The following TBCD variants were observed in gnomAD, a reference collection of about 807,000 sequenced individuals.
The protein encoded by TBCD is tubulin folding cofactor D.
In TBCD, 105 loss-of-function variants were observed where a neutral mutation model predicts 169.3. The observed-to-expected ratio is 0.62, with a 90% CI of 0.53 to 0.73. TBCD has a LOEUF of 0.73. Ranked by LOEUF, TBCD falls within the 30% of genes least tolerant of loss-of-function variation. The pLI, the probability that TBCD is intolerant of heterozygous loss-of-function variation, is 0.00. For synonymous variants in TBCD, 700 were observed against 643.9 expected (o/e 1.09, Z -1.32); for missense variants, 1,444 against 1,600.1 (o/e 0.90, Z 1.66).
intron 7 of TBCD, among the ~76,000 whole-genome samples, chr17:82,785,261 G>A (rs2049231450): frequency 1.1e-5 from 1 of 94,038 alleles, no homozygotes; most frequent in African/African-American, 4.3e-5. Flanking sequence ...GCAGCGGGAG[G>A]GGGGTCCATG....
At chr17:82,939,253 C>A in intron 36 of TBCD, 114 bp from the exon 37 acceptor site, 1 of 811,166 alleles carries the variant, frequency 1.2e-6, no homozygotes, top group Non-Finnish European at 2.1e-6. Flanking sequence ...GCAGGGTCAG[C>A]GTCCTCCTCC....
At chr17:82,883,359 C>T (rs1364384031) in intron 14 of TBCD, among the ~76,000 whole-genome samples, 1 of 152,256 alleles carries the variant, frequency 6.6e-6, no homozygotes, top group Admixed American at 6.5e-5. Flanking sequence ...TGATTGTCCT[C>T]CACCCTGCCC....
Position 82,880,892 on chromosome 17 carries a change from C to G in TBCD, c.1476-3253C>G, listed in dbSNP as rs376122296. ...CTTGCAGTGTGAGTGAGCAAGTGGC[C>G]GAGGGGTAGACTTTGGATGGCTCCA... On this transcript the variant is annotated intron_variant, in intron 14 of 38. Coordinates refer to ENST00000355528, the MANE Select transcript of TBCD (RefSeq NM_005993.5). This position sits in a 1 kb window ranked among gnomAD's most constrained non-coding sequence, Gnocchi z 5.0. Among the ~76,000 whole-genome samples, 29 of 152,112 alleles carry G rather than the reference C, an allele frequency of 1.9e-4. No homozygotes were observed. Among genetic ancestry groups the G allele is most frequent in the African/African-American group, 6.3e-4 (26 of 41,518 alleles).
intron 14 of TBCD, among the ~76,000 whole-genome samples, chr17:82,873,985 A>C (rs1786556829): frequency 6.6e-6 from 1 of 152,156 alleles, no homozygotes; most frequent in African/African-American, 2.4e-5. Context: ...GCCCCTGCAC[A>C]GCCTCCTGTT....
At chr17:82,818,200 C>T (rs1021398872) in intron 13 of TBCD, among the ~76,000 whole-genome samples, 9 of 152,248 alleles carry the variant, frequency 5.9e-5, no homozygotes, top group East Asian at 3.8e-4. Flanking sequence ...CCATGACCTT[C>T]GCATGGTTGG....
chr17:82,783,492 T>C (rs1192943297), intron 7 of TBCD, among the ~76,000 whole-genome samples: 1 of 152,234 alleles, frequency 6.6e-6, no homozygotes, highest in African/African-American at 2.4e-5. Context: ...GAAACCTTGA[T>C]TGCACCGAGC....
rs576751296 is a variant in TBCD at position 82,898,458 on chromosome 17, TTCGTTTTCTTTTCCTATGTG to T, written c.1650-2192_1650-2173del. Among the ~76,000 whole-genome samples the T allele has an allele frequency of 9.3e-4, 141 of 152,352 alleles. 1 individual carries two copies. The East Asian group carries it at 0.022, about 24-fold the overall frequency. ...GGCCGTTGGACAGCTGAGCAGAGGC[TTCGTTTTCTTTTCCTATGTG>T]CAGGAGGCTGAACACCGCTTCAAGT... On this transcript the variant is annotated intron_variant, in intron 17 of 38. Coordinates refer to ENST00000355528, the MANE Select transcript of TBCD (RefSeq NM_005993.5).
At chr17:82,921,439 T>G in intron 24 of TBCD, 62 bp from the exon 25 acceptor site, 1 of 1,351,678 alleles carries the variant, frequency 7.4e-7, no homozygotes, top group Non-Finnish European at 1.1e-6. Flanking sequence ...CTGTTTTTGC[T>G]GTTGTTTTTG....
intron 13 of TBCD, among the ~76,000 whole-genome samples, chr17:82,824,818 TGTG>T (rs1162648264): frequency 6.6e-6 from 1 of 152,278 alleles, no homozygotes; most frequent in African/African-American, 2.4e-5. Context: ...TAGTGGGTCA[TGTG>T]GTAATTCTAT....
rs191689157 is a variant in TBCD, at chr17:82,771,930, A to C, written c.583-522A>C. 7.9e-3 allele frequency among the ~76,000 whole-genome samples: 1,207 copies of C among 152,248 alleles called. 5 individuals carry two copies. The highest frequency in any genetic ancestry group is 0.012 in the Non-Finnish European group (839 of 67,990). On this transcript the variant is annotated intron_variant, in intron 5 of 38. Transcript: ENST00000355528. ...CAGAGCAAGACTCCGTCTCAAAAAA[A>C]AAAAACAAAAACAAAAACAAAAAAT...
chr17:82,856,819 G>GT (rs2056336168), intron 13 of TBCD, among the ~76,000 whole-genome samples: 2 of 136,286 alleles, frequency 1.5e-5, no homozygotes, highest in African/African-American at 2.8e-5. Context: ...CGGGATCGCT[G>GT]GACCGCGTGC....
intron 17 of TBCD, among the ~76,000 whole-genome samples, chr17:82,898,675 G>A (rs1333435389): frequency 1.3e-5 from 2 of 151,918 alleles, no homozygotes; most frequent in Non-Finnish European, 2.9e-5. Context: ...TGTTTTTGGT[G>A]TTTTCCTGGT....
chr17:82,764,781 A>C (rs1568099219), intron 3 of TBCD, among the ~76,000 whole-genome samples: 2 of 145,114 alleles, frequency 1.4e-5, no homozygotes, highest in African/African-American at 5.2e-5. Context: ...GTCTGTGCTC[A>C]TAGTCTGCTT....
Position 82,941,455 on chromosome 17 carries a change from G to T in TBCD, c.3536G>T (p.Gly1179Val). The T allele has an allele frequency of 3.1e-6, 5 of 1,602,176 alleles. No homozygotes were observed. The highest frequency in any genetic ancestry group is 3.4e-6 in the Non-Finnish European group (4 of 1,175,994). Residue 1179 changes from glycine (G) to valine (V), a missense_variant, in exon 38 of 39, where the codon GGC (glycine) becomes GTC (valine). Coordinates refer to ENST00000355528, the MANE Select transcript of TBCD (RefSeq NM_005993.5). ...EQRNRLCDLLGVPRPQLVPQP... is the reference protein window; with the variant it reads ...EQRNRLCDLLVVPRPQLVPQP... ...CGCAACCGTCTGTGTGACCTTCTGG[G>T]CGTACCCAGGCCCCAGCTGGTGCCC... is the stretch of plus-strand genomic sequence containing the variant.
intron 13 of TBCD, among the ~76,000 whole-genome samples, chr17:82,857,972 G>A (rs1054108156): frequency 1.3e-4 from 20 of 151,958 alleles, no homozygotes; most frequent in South Asian, 6.3e-4. Flanking sequence ...GAGTACAGTG[G>A]TATGATCACA....
intron 18 of TBCD, 83 bp downstream of exon 18, chr17:82,900,814 A>G: frequency 5.9e-6 from 6 of 1,009,740 alleles, no homozygotes; most frequent in Non-Finnish European, 7.8e-6. Context: ...CCTTGAGTGT[A>G]TTTTCTCACT....
Position 82,852,011 on chromosome 17 carries a change from A to G in TBCD, c.1319-18213A>G, listed in dbSNP as rs147755386. ...ATGATTTTGTTGAGACGCAATTCAC[A>G]TGCCATTCAGTTCTGTCATTAAGTG... On this transcript the variant is annotated intron_variant, in intron 13 of 38. Transcript: ENST00000355528. 7.4e-3 allele frequency among the ~76,000 whole-genome samples: 1,129 copies of G among 152,324 alleles called. 9 individuals are homozygous for G. The highest frequency in any genetic ancestry group is 0.026 in the African/African-American group (1,076 of 41,578).
In TBCD at chr17:82,887,187, GCT is replaced by G. The variant is rs1567962034; in HGVS notation, c.1534-2479_1534-2478del. ...TGTGTGTGCGCGCGCGCGCACGTGC[GCT>G]CACGCGTTTACTTCTGTGTGATTGT... On this transcript the variant is annotated intron_variant, in intron 15 of 38. Transcript: ENST00000355528. Among the ~76,000 whole-genome samples, 8 of 144,580 alleles carry G rather than the reference GCT, an allele frequency of 5.5e-5. No individual in the cohort carries two copies. The South Asian group carries it at 8.9e-4, about 16-fold the overall frequency. 94.9% of individuals were successfully genotyped at this position (144,580 alleles called of 152,430 possible).
intron 19 of TBCD, among the ~76,000 whole-genome samples, chr17:82,905,619 G>A: frequency 3.5e-5 from 1 of 28,912 alleles, no homozygotes; most frequent in African/African-American, 2.8e-4. Context: ...CAGGTCGTCC[G>A]TGTGTGCACG....
Sources: gnomAD v4.1 joint callset for allele counts (sites outside exome capture counted in the v4.1 genomes callset) on GRCh38, gnomAD v4.1.1 for gene constraint, Gnocchi (gnomAD v3.1) non-coding constraint, MANE v1.5 for transcripts, NCBI Gene and HGNC (gene_info 2026-07-23, HGNC 2026-07-21) for gene names.